ATP13A3: variants seen among roughly 807,000 people sequenced by gnomAD.
ATP13A3 encodes the protein ATPase 13A3.
Under a neutral mutation model 158.1 loss-of-function variants are expected in ATP13A3, and 59 were observed. That is an observed-to-expected ratio of 0.37 (90% CI 0.30 to 0.46). The LOEUF (loss-of-function observed/expected upper bound fraction) is 0.46. ATP13A3 is among the 20% of genes least tolerant of loss of function. The probability of loss-of-function intolerance (pLI) is 1.00; values close to 1 mark genes in which losing one functional copy is unlikely to be tolerated. For synonymous variants in ATP13A3, 491 were observed against 504.3 expected (o/e 0.97, Z 0.35); for missense variants, 1,166 against 1,525.2 (o/e 0.76, Z 3.92).
chr3:194,421,951 A>AAAAAAAAAAAAAAAAAAAAAC, intron 30 of ATP13A3, among the ~76,000 whole-genome samples: 1 of 151,620 alleles, frequency 6.6e-6, no homozygotes, highest in Non-Finnish European at 1.5e-5. Flanking sequence ...TGGCAAAAAA[A>AAAAAAAAAAAAAAAAAAAAAC]AAAAAAAAAA....
rs181942999 is a variant in ATP13A3, at chr3:194,474,402, C to T, written c.-47+11392G>A. Among the ~76,000 whole-genome samples, 169 of 152,242 alleles carry T rather than the reference C, an allele frequency of 1.1e-3. 1 individual carries two copies. The highest frequency in any genetic ancestry group is 3.9e-3 in the African/African-American group (162 of 41,538). On this transcript the variant is annotated intron_variant, in intron 2 of 33. Coordinates refer to ENST00000645319, the MANE Select transcript of ATP13A3 (RefSeq NM_001367549.1). Reference sequence around the variant, plus strand: ...CACCTGGGCTCAAGGGATCCTCCCACCTTGGCCTTCCAAGCAGCTGGAAAT... The same window carrying T: ...CACCTGGGCTCAAGGGATCCTCCCATCTTGGCCTTCCAAGCAGCTGGAAAT...
At chr3:194,437,514 A>G in intron 18 of ATP13A3, 42 bp downstream of exon 18, 2 of 1,613,128 alleles carry the variant, frequency 1.2e-6, no homozygotes, top group East Asian at 2.2e-5. Context: ...TTAAAGAATC[A>G]AAACAAATAT....
At chr3:194,444,947 C>CA (rs1434148358) in intron 14 of ATP13A3, among the ~76,000 whole-genome samples, 161 bp from the exon 15 acceptor site, 2 of 151,998 alleles carry the variant, frequency 1.3e-5, no homozygotes, top group Non-Finnish European at 2.9e-5. Flanking sequence ...AGATCCCTGA[C>CA]AGAGAATGGC....
chr3:194,448,672 C>A lies in ATP13A3; in HGVS notation c.971-36G>T. 2 of 1,580,384 alleles carry A rather than the reference C, an allele frequency of 1.3e-6. No homozygotes were observed. The highest frequency in any genetic ancestry group is 1.7e-6 in the Non-Finnish European group (2 of 1,164,086). On this transcript the variant is annotated intron_variant, in intron 11 of 33. Coordinates refer to ENST00000645319, the MANE Select transcript of ATP13A3 (RefSeq NM_001367549.1). This position sits in a 1 kb window ranked among gnomAD's most constrained non-coding sequence, Gnocchi z 4.0. ...CAACAACAACAACAAAAACAGTTTA[C>A]AAATTATTAAACGAAAGCACAGGAA...
Position 194,410,331 on chromosome 3 carries a change from A to AAAC in ATP13A3, c.3573+1867_3573+1868insGTT, listed in dbSNP as rs869283016. 4.9e-3 allele frequency among the ~76,000 whole-genome samples: 657 copies of AAAC among 132,868 alleles called. 17 individuals carry two copies. The highest frequency in any genetic ancestry group is 0.014 in the African/African-American group (504 of 34,874). The allele number at this position is 132,868 out of a possible 152,430, so 87.2% of individuals were successfully genotyped here. On this transcript the variant is annotated intron_variant, in intron 33 of 33. Transcript: ENST00000645319. The stretch of plus-strand genomic sequence containing the variant: ...AAAAAAAAAAAAAAAAAAAAAAAAA[A>AAAC]CTGCTGGGCCTGGGATGGCATGCAC...
intron 27 of ATP13A3, 139 bp downstream of exon 27, chr3:194,429,539 G>A: frequency 2.0e-6 from 1 of 499,506 alleles, no homozygotes; most frequent in Non-Finnish European, 3.4e-6. Flanking sequence ...TCAAACTACA[G>A]TAAATTGAAG....
chr3:194,404,543 A>C lies in ATP13A3; in HGVS notation c.*1376T>G, dbSNP rs1428085484. ...ACACTGTTTTCATAGTTTAGCGTCC[A>C]TTTTATAGCACGATCAGTTTTCTGT... On this transcript the variant is annotated 3_prime_UTR_variant, in exon 34 of 34. Transcript: ENST00000645319. 6.4e-6 allele frequency: 1 copy of C among 156,020 alleles called. No homozygotes were observed. Among genetic ancestry groups the C allele is most frequent in the African/African-American group, 2.4e-5 (1 of 41,470 alleles). The allele number at this position is 156,020 out of a possible 1,614,324, so 9.7% of individuals were successfully genotyped here.
intron 3 of ATP13A3, 139 bp downstream of exon 3, chr3:194,462,001 A>G (rs1317567966): frequency 1.3e-5 from 10 of 749,942 alleles, no homozygotes; most frequent in Admixed American, 7.4e-5. Flanking sequence ...CCCAATTCAA[A>G]AGCACAGGAT....
At chr3:194,481,241 G>C (rs1439596317) in intron 2 of ATP13A3, among the ~76,000 whole-genome samples, 1 of 148,738 alleles carries the variant, frequency 6.7e-6, no homozygotes, top group Non-Finnish European at 1.5e-5. Context: ...AAAAAACAGA[G>C]CAACAGGGAT....
chr3:194,459,547 G>T lies in ATP13A3; in HGVS notation c.409-6C>A. 1 of 1,596,838 alleles carries T rather than the reference G, an allele frequency of 6.3e-7. No individual in the cohort carries two copies. On this transcript the variant is annotated splice_polypyrimidine_tract_variant and splice_region_variant and intron_variant, in intron 5 of 33. Transcript: ENST00000645319. ...TGGTGGGTGAAATAACGAATCTGTG[G>T]AACACAAATAAACGTTACACCAAAA...
intron 2 of ATP13A3, among the ~76,000 whole-genome samples, chr3:194,474,812 G>A (rs1336125611): frequency 6.6e-6 from 1 of 152,196 alleles, no homozygotes; most frequent in Non-Finnish European, 1.5e-5. Flanking sequence ...CCTTACAGCT[G>A]CTGCCGGCAA....
chr3:194,489,379 G>A (rs1432361805), upstream of ATP13A3, among the ~76,000 whole-genome samples: 1 of 152,182 alleles, frequency 6.6e-6, no homozygotes, highest in Admixed American at 6.5e-5. The surrounding 1 kb of genome is among the most constrained non-coding windows in gnomAD (Gnocchi z 4.1). Flanking sequence ...GGAGATGGAG[G>A]TTGCAGTGGG....
At chr3:194,460,865 C>T (rs1404741953) in intron 3 of ATP13A3, 34 bp from the exon 4 acceptor site, 1 of 1,581,548 alleles carries the variant, frequency 6.3e-7, no homozygotes, top group Non-Finnish European at 8.6e-7. Context: ...GATTAATTAT[C>T]AAATGATAAA....
intron 28 of ATP13A3, among the ~76,000 whole-genome samples, chr3:194,428,208 CAG>C (rs1318163869): frequency 7.8e-6 from 1 of 128,556 alleles, no homozygotes; most frequent in Non-Finnish European, 1.6e-5. Context: ...GTGACAGAGA[CAG>C]ACTCTGTCTC....
chr3:194,447,265 A>C, intron 13 of ATP13A3, 150 bp from the exon 14 acceptor site: 1 of 639,098 alleles, frequency 1.6e-6, no homozygotes, highest in Non-Finnish European at 2.6e-6. Context: ...TTAACCATAT[A>C]TAATTTTTTT....
chr3:194,412,122 A>T (rs1370031935), intron 33 of ATP13A3, 77 bp downstream of exon 33: 1 of 1,161,218 alleles, frequency 8.6e-7, no homozygotes, highest in African/African-American at 1.5e-5. Flanking sequence ...GAACAAGAAC[A>T]CGCTAGAGAA....
At chr3:194,437,661 AAC>A in intron 17 of ATP13A3, 88 bp from the exon 18 acceptor site, 2 of 1,305,066 alleles carry the variant, frequency 1.5e-6, no homozygotes, top group African/African-American at 3.0e-5. Context: ...GCATCCACAA[AAC>A]ATTATTTGGA....
Position 194,429,658 on chromosome 3 carries a change from C to T in ATP13A3, c.2874+20G>A. On this transcript the variant is annotated intron_variant, in intron 27 of 33. Transcript: ENST00000645319. ...CGGTGCACATTAAGTGTTATCTCTG[C>T]ACACAATGTTAATACTCACAGAATA... 1 of 1,562,898 alleles carries T rather than the reference C, an allele frequency of 6.4e-7. No individual in the cohort carries two copies. Among genetic ancestry groups the T allele is most frequent in the Non-Finnish European group, 8.8e-7 (1 of 1,137,992 alleles).
intron 9 of ATP13A3, among the ~76,000 whole-genome samples, chr3:194,453,982 A>G (rs1346521616): frequency 6.6e-6 from 1 of 152,200 alleles, no homozygotes; most frequent in African/African-American, 2.4e-5. Flanking sequence ...TGAAAACAGT[A>G]CCTTCCAGTA....
Sources: gnomAD v4.1 joint callset for allele counts (sites outside exome capture counted in the v4.1 genomes callset) on GRCh38, gnomAD v4.1.1 for gene constraint, Gnocchi (gnomAD v3.1) non-coding constraint, MANE v1.5 for transcripts, NCBI Gene and HGNC (gene_info 2026-07-23, HGNC 2026-07-21) for gene names.